Variants in DAP observed in about 807,000 individuals in gnomAD.
DAP encodes death associated protein.
In DAP, 8 loss-of-function variants were observed where a neutral mutation model predicts 13.8. The observed-to-expected ratio is 0.58, with a 90% confidence interval of 0.34 to 1.05. The LOEUF (loss-of-function observed/expected upper bound fraction) is 1.05. Among genes scored for constraint, DAP ranks in the 50% least tolerant of loss-of-function variants. The probability of loss-of-function intolerance (pLI) is 0.03; values close to 1 mark genes in which losing one functional copy is unlikely to be tolerated. For missense variants in DAP, 106 were observed against 133.2 expected, an observed-to-expected ratio of 0.80 and a Z score of 1.01; for synonymous variants, 47 against 47.5, an observed-to-expected ratio of 0.99 and a Z score of 0.04.
intron 2 of DAP, among the ~76,000 whole-genome samples, chr5:10,716,062 C>T (rs1226102286): frequency 6.6e-6 from 1 of 152,178 alleles, no homozygotes; most frequent in Non-Finnish European, 1.5e-5. Flanking sequence ...GGCATTGCTC[C>T]CTTTAGCTGA....
intron 2 of DAP, among the ~76,000 whole-genome samples, chr5:10,688,464 CTT>C (rs1203093461): frequency 2.0e-5 from 3 of 152,096 alleles, no homozygotes; most frequent in African/African-American, 7.2e-5. Flanking sequence ...GTAAACATAA[CTT>C]TTATATGCAC....
intron 2 of DAP, among the ~76,000 whole-genome samples, chr5:10,698,282 C>CAAAAAAAAA (rs71613386): frequency 4.7e-4 from 20 of 42,886 alleles, no homozygotes; most frequent in South Asian, 1.5e-3. Context: ...CCAGACTTAG[C>CAAAAAAAAA]AAAAAAAAAA....
chr5:10,682,997 A>C (rs1248437919), intron 3 of DAP: 1 of 181,706 alleles, frequency 5.5e-6, no homozygotes, highest in African/African-American at 2.4e-5. Flanking sequence ...CAGTCTCAGG[A>C]GGGACTCCCT....
chr5:10,695,022 T>G (rs1579789068), intron 2 of DAP, among the ~76,000 whole-genome samples: 1 of 152,238 alleles, frequency 6.6e-6, no homozygotes, highest in African/African-American at 2.4e-5. Flanking sequence ...CCATTTTTAG[T>G]TCTTGAAATA....
At chr5:10,725,397 T>C (rs2126662224) in intron 2 of DAP, among the ~76,000 whole-genome samples, 1 of 152,276 alleles carries the variant, frequency 6.6e-6, no homozygotes, top group South Asian at 2.1e-4. Flanking sequence ...TGAGTGGTTG[T>C]TGTGTTCCTG....
At chr5:10,683,168 C>G in intron 3 of DAP, 1 of 311,354 alleles carries the variant, frequency 3.2e-6, no homozygotes, top group Non-Finnish European at 6.1e-6. Flanking sequence ...GCACTTTCTT[C>G]AGGCATCCTC....
intron 2 of DAP, among the ~76,000 whole-genome samples, chr5:10,721,575 T>C (rs79902352): frequency 0.062 from 9,417 of 152,258 alleles, 337 homozygotes; most frequent in South Asian, 0.082. Context: ...AGGGTGTCTC[T>C]TAGTCTTACC....
At chr5:10,716,870 A>G (rs997497893) in intron 2 of DAP, among the ~76,000 whole-genome samples, 3 of 152,214 alleles carry the variant, frequency 2.0e-5, no homozygotes, top group Non-Finnish European at 4.4e-5. Context: ...GGAACAGAAT[A>G]TTAAGGATGG....
chr5:10,727,912 G>A (rs1302699129), intron 2 of DAP, among the ~76,000 whole-genome samples: 1 of 152,026 alleles, frequency 6.6e-6, no homozygotes, highest in African/African-American at 2.4e-5. Flanking sequence ...TTCCTGATAC[G>A]ATGTAAATGC....
intron 1 of DAP, among the ~76,000 whole-genome samples, chr5:10,752,422 A>G (rs896916432): frequency 2.6e-5 from 4 of 152,262 alleles, no homozygotes; most frequent in African/African-American, 9.6e-5. Context: ...GTAAAACTAC[A>G]AAAGAAGAAT....
chr5:10,696,869 GA>G (rs1738450451), intron 2 of DAP, among the ~76,000 whole-genome samples: 1 of 152,148 alleles, frequency 6.6e-6, no homozygotes, highest in Admixed American at 6.5e-5. Context: ...ATTACTATGA[GA>G]AAAGGTTCCC....
chr5:10,744,307 C>A (rs1463232589), intron 2 of DAP, among the ~76,000 whole-genome samples: 2 of 152,168 alleles, frequency 1.3e-5, no homozygotes, highest in Admixed American at 6.5e-5. Context: ...ACTTTAGGAT[C>A]AGGGTAATGT....
chr5:10,751,448 T>A (rs1297391461), intron 1 of DAP, among the ~76,000 whole-genome samples: 2 of 152,198 alleles, frequency 1.3e-5, no homozygotes, highest in African/African-American at 4.8e-5. Context: ...GAGTTATGAA[T>A]GTTTCGGGCT....
chr5:10,693,396 T>C (rs1738356469), intron 2 of DAP, among the ~76,000 whole-genome samples: 1 of 152,232 alleles, frequency 6.6e-6, no homozygotes, highest in Non-Finnish European at 1.5e-5. Context: ...TGGCCTTTAA[T>C]AAGCCACTGG....
rs1244611274 is a variant in DAP at position 10,680,495 on chromosome 5, C to T, written c.*561G>A. The T allele has an allele frequency of 3.6e-6, 2 of 550,986 alleles. No individual in the cohort carries two copies. The highest frequency in any genetic ancestry group is 6.4e-6 in the Non-Finnish European group (2 of 314,014). The allele number at this position is 550,986 out of a possible 1,614,324, so 34.1% of individuals were successfully genotyped here. ...TAAGATGCATGCTTTTTCGGCTTTT[C>T]TCATGGGTGCCTCATCAGCCTGCAC... is the stretch of plus-strand genomic sequence containing the variant. On this transcript the variant is annotated 3_prime_UTR_variant, in exon 4 of 4. Transcript: ENST00000230895.
At chr5:10,729,075 C>T (rs191218556) in intron 2 of DAP, among the ~76,000 whole-genome samples, 1 of 152,178 alleles carries the variant, frequency 6.6e-6, no homozygotes, top group Admixed American at 6.5e-5. Flanking sequence ...TTTTTCTCAA[C>T]CCACGGAACT....
intron 2 of DAP, among the ~76,000 whole-genome samples, chr5:10,745,413 C>A (rs1739874610): frequency 6.6e-6 from 1 of 152,230 alleles, no homozygotes; most frequent in African/African-American, 2.4e-5. Flanking sequence ...AAAAGCCTTG[C>A]TCATGTGCTT....
At chr5:10,694,423 G>A (rs1182210809) in intron 2 of DAP, among the ~76,000 whole-genome samples, 1 of 151,922 alleles carries the variant, frequency 6.6e-6, no homozygotes, top group African/African-American at 2.4e-5. Flanking sequence ...CATACACACA[G>A]CAGAAAGCAA....
chr5:10,758,949 G>A (rs1027790428), intron 1 of DAP, among the ~76,000 whole-genome samples: 1 of 152,228 alleles, frequency 6.6e-6, no homozygotes, highest in Admixed American at 6.5e-5. Flanking sequence ...CACTTTGGAA[G>A]GCTGAGGTGG....
Sources: gnomAD v4.1 joint callset for allele counts (sites outside exome capture counted in the v4.1 genomes callset) on GRCh38, gnomAD v4.1.1 for gene constraint, MANE v1.5 for transcripts, NCBI Gene and HGNC (gene_info 2026-07-23, HGNC 2026-07-21) for gene names.